ANO6: variants seen among roughly 807,000 people sequenced by gnomAD.
ANO6 encodes the protein anoctamin-6.
In ANO6, 106 loss-of-function variants were observed where a neutral mutation model predicts 117.5. That is an observed-to-expected ratio of 0.90 (90% CI 0.77 to 1.06). The LOEUF (loss-of-function observed/expected upper bound fraction) is 1.06. ANO6 is among the 50% of genes least tolerant of loss of function. The probability of loss-of-function intolerance (pLI) is 0.00; values close to 1 mark genes in which losing one functional copy is unlikely to be tolerated. For synonymous variants in ANO6, 367 were observed against 385.1 expected, an observed-to-expected ratio of 0.95 and a Z score of 0.55; for missense variants, 955 against 1,121.1, an observed-to-expected ratio of 0.85 and a Z score of 2.12.
Position 45,216,371 on chromosome 12 carries a change from A to G in ANO6, c.50A>G (p.Asp17Gly). 1 of 1,612,844 alleles carries G rather than the reference A, an allele frequency of 6.2e-7. No homozygotes were observed. The highest frequency in any genetic ancestry group is 8.5e-7 in the Non-Finnish European group (1 of 1,179,432). Residue 17 changes from aspartate to glycine, a missense_variant, in exon 1 of 20, where the codon GAC becomes GGC. Physicochemically the swap from Asp to Gly is moderately conservative, Grantham distance 94. Transcript: ENST00000320560. ...TTGCTACAAATGGAGGAGGAGGAGGACGACGACGATGGGGATATCGGTGAG... is the reference window on the plus strand; with the variant it reads ...TTGCTACAAATGGAGGAGGAGGAGGGCGACGACGATGGGGATATCGGTGAG... ...NVLLQMEEEE[D>G]DDDGDIVLEN...
intron 1 of ANO6, among the ~76,000 whole-genome samples, chr12:45,288,787 G>T (rs778439493): frequency 1.3e-5 from 2 of 151,986 alleles, no homozygotes; most frequent in African/African-American, 2.4e-5. Flanking sequence ...TCACTCTGTC[G>T]CCCAGGCTGG....
At chr12:45,304,685 A>C (rs778435790) in intron 2 of ANO6, among the ~76,000 whole-genome samples, 2 of 152,186 alleles carry the variant, frequency 1.3e-5, no homozygotes, top group African/African-American at 2.4e-5. Context: ...AGGGAAACTA[A>C]AATGCTTATC....
intron 12 of ANO6, among the ~76,000 whole-genome samples, chr12:45,399,114 G>A (rs1942711504): frequency 6.6e-6 from 1 of 152,188 alleles, no homozygotes; most frequent in Admixed American, 6.5e-5. Context: ...GGTGGGTCTG[G>A]ACACTTCCTT....
Position 45,310,049 on chromosome 12 carries a change from C to G in ANO6, c.150+7956C>G, listed in dbSNP as rs76507469. Among the ~76,000 whole-genome samples the G allele has an allele frequency of 9.6e-3, 1,464 of 152,094 alleles. 26 individuals are homozygous for G. The highest frequency in any genetic ancestry group is 0.033 in the African/African-American group (1,378 of 41,496). Reference sequence around the variant, plus strand: ...GAAAGCTTTTTGTGCATTCAAGAACCGAAGGTGATGGAATGTGCATTTTTG... The same window carrying G: ...GAAAGCTTTTTGTGCATTCAAGAACGGAAGGTGATGGAATGTGCATTTTTG... On this transcript the variant is annotated intron_variant, in intron 2 of 19. Transcript: ENST00000320560.
chr12:45,221,546 A>G lies in ANO6; in HGVS notation c.70+5155A>G, dbSNP rs541605114. Among the ~76,000 whole-genome samples the G allele has an allele frequency of 6.6e-5, 10 of 152,294 alleles. No individual in the cohort carries two copies. The South Asian group carries it at 2.1e-3, about 32-fold the overall frequency. Reference sequence around the variant, plus strand: ...GTATGTGATTTGGAGCTCCTGAAGGATGTTAATGAAAAGAGTGATAGGATT... The same window carrying G: ...GTATGTGATTTGGAGCTCCTGAAGGGTGTTAATGAAAAGAGTGATAGGATT... On this transcript the variant is annotated intron_variant, in intron 1 of 19. Coordinates refer to ENST00000320560, the MANE Select transcript of ANO6 (RefSeq NM_001025356.3).
At chr12:45,309,903 A>G (rs1939795058) in intron 2 of ANO6, among the ~76,000 whole-genome samples, 1 of 152,162 alleles carries the variant, frequency 6.6e-6, no homozygotes, top group South Asian at 2.1e-4. Flanking sequence ...CAAACAAAGG[A>G]ACATTAATTT....
chr12:45,357,426 T>C lies in ANO6; in HGVS notation c.998+2T>C, dbSNP rs1219450908. On this transcript the variant is annotated splice_donor_variant, in intron 8 of 19. Coordinates refer to ENST00000320560, the MANE Select transcript of ANO6 (RefSeq NM_001025356.3). LOFTEE classifies it high-confidence loss of function. ...TAATCAAGATAACTGTACATGGAGG[T>C]AACCTCTGTTTATTCCTTGTTGCCA... 1 of 1,613,308 alleles carries C rather than the reference T, an allele frequency of 6.2e-7. No homozygotes were observed. The highest frequency in any genetic ancestry group is 2.2e-5 in the East Asian group (1 of 44,864).
chr12:45,432,815 A>T (rs1943662617), downstream of ANO6, among the ~76,000 whole-genome samples: 1 of 152,188 alleles, frequency 6.6e-6, no homozygotes, highest in Admixed American at 6.5e-5. Flanking sequence ...CACCTTTCCC[A>T]GAACCATTTA....
rs1941181599 is a variant in ANO6 at position 45,347,966 on chromosome 12, T to C, written c.346-62T>C. 7.3e-6 allele frequency: 11 copies of C among 1,509,706 alleles called. No individual in the cohort carries two copies. The East Asian group carries it at 2.5e-4, about 34-fold the overall frequency. 93.5% of individuals were successfully genotyped at this position (1,509,706 alleles called of 1,614,324 possible). ...CTACCAACAACATAAGAAAAATCTA[T>C]GTGTTTTAAAATTGTGAAAAGAGTT... is the stretch of plus-strand genomic sequence containing the variant. On this transcript the variant is annotated intron_variant, in intron 4 of 19. Transcript: ENST00000320560.
At chr12:45,255,818 G>GGTTTTTTTT (rs749001458) in intron 1 of ANO6, among the ~76,000 whole-genome samples, 9 of 81,690 alleles carry the variant, frequency 1.1e-4, no homozygotes, top group African/African-American at 4.0e-4. Flanking sequence ...CTCCCTGGGT[G>GGTTTTTTTT]TTTTTTTTTT....
chr12:45,240,557 G>A (rs1169388667), intron 1 of ANO6, among the ~76,000 whole-genome samples: 2 of 151,418 alleles, frequency 1.3e-5, no homozygotes, highest in Non-Finnish European at 2.9e-5. Flanking sequence ...TACATTTAAG[G>A]TTAATATTGT....
At chr12:45,350,638 A>G (rs773836145) in intron 6 of ANO6, 21 bp from the exon 7 acceptor site, 13 of 1,578,682 alleles carry the variant, frequency 8.2e-6, no homozygotes, top group Non-Finnish European at 9.6e-6. Context: ...TGGTGCTTAC[A>G]TGTTCCCTTC....
intron 1 of ANO6, among the ~76,000 whole-genome samples, chr12:45,262,317 TACATA>T (rs1367092398): frequency 5.9e-5 from 9 of 152,226 alleles, no homozygotes; most frequent in Admixed American, 4.6e-4. Context: ...GGTTAAAGTA[TACATA>T]ACATAAAATT....
chr12:45,235,267 C>T (rs755053193), intron 1 of ANO6, among the ~76,000 whole-genome samples: 4 of 152,198 alleles, frequency 2.6e-5, no homozygotes, highest in Non-Finnish European at 5.9e-5. Context: ...CTTTAGCTGT[C>T]ATACTGGTGG....
chr12:45,320,426 G>T (rs1435175506), intron 2 of ANO6, among the ~76,000 whole-genome samples: 1 of 152,076 alleles, frequency 6.6e-6, no homozygotes, highest in African/African-American at 2.4e-5. Context: ...TAGTTGAGCG[G>T]TTTTGAGTGA....
chr12:45,337,126 G>T (rs1940849205), intron 3 of ANO6, among the ~76,000 whole-genome samples: 1 of 152,090 alleles, frequency 6.6e-6, no homozygotes. Flanking sequence ...TAAGCTAAGT[G>T]AGCAGTGTTA....
chr12:45,364,671 T>C (rs1156828808), intron 8 of ANO6, among the ~76,000 whole-genome samples: 6 of 152,230 alleles, frequency 3.9e-5, no homozygotes, highest in African/African-American at 1.4e-4. Context: ...ATTCTCTTTG[T>C]TGTGCTTCCT....
At chr12:45,328,374 C>T (rs1301669798) in intron 2 of ANO6, among the ~76,000 whole-genome samples, 1 of 151,882 alleles carries the variant, frequency 6.6e-6, no homozygotes, top group Non-Finnish European at 1.5e-5. Flanking sequence ...ACTTTTTTGG[C>T]TCAATTATTA....
intron 1 of ANO6, among the ~76,000 whole-genome samples, chr12:45,220,651 T>A (rs1237283704): frequency 6.6e-6 from 1 of 152,234 alleles, no homozygotes; most frequent in Non-Finnish European, 1.5e-5. Context: ...TATAAGGCAT[T>A]CTTCCAGTTT....
Sources: gnomAD v4.1 joint callset for allele counts (sites outside exome capture counted in the v4.1 genomes callset) on GRCh38, gnomAD v4.1.1 for gene constraint, MANE v1.5 for transcripts, NCBI Gene and HGNC (gene_info 2026-07-23, HGNC 2026-07-21) for gene names.